The following GPC6 variants were observed in gnomAD, a reference collection of about 807,000 sequenced individuals.
GPC6 encodes the protein glypican 6.
In GPC6, 14 loss-of-function variants were observed where a neutral mutation model predicts 55.2. The observed-to-expected ratio is 0.25, with a 90% CI of 0.17 to 0.40. The LOEUF (loss-of-function observed/expected upper bound fraction) is 0.40. Ranked by LOEUF, GPC6 falls within the 10% of genes least tolerant of loss-of-function variation. GPC6 has a pLI of 1.00. For synonymous variants in GPC6, 278 were observed against 259.6 expected, an observed-to-expected ratio of 1.07 and a Z score of -0.68; for missense variants, 641 against 708.5, an observed-to-expected ratio of 0.90 and a Z score of 1.08.
chr13:94,338,167 T>C (rs1468261017), intron 6 of GPC6, among the ~76,000 whole-genome samples: 25 of 152,220 alleles, frequency 1.6e-4, no homozygotes, highest in Admixed American at 1.6e-3. Context: ...GGGTCACAGA[T>C]GTGGGAGATA....
intron 2 of GPC6, among the ~76,000 whole-genome samples, chr13:93,584,986 G>A (rs74536786): frequency 0.012 from 1,755 of 152,154 alleles, 34 homozygotes; most frequent in African/African-American, 0.04. Flanking sequence ...CACTGTACCC[G>A]GCCACCTTAT....
chr13:93,525,633 A>G (rs1048996856), intron 1 of GPC6, among the ~76,000 whole-genome samples: 5 of 152,088 alleles, frequency 3.3e-5, no homozygotes, highest in Admixed American at 2.6e-4. Flanking sequence ...TTCAGGAGCC[A>G]TTCTTTTTAT....
intron 3 of GPC6, among the ~76,000 whole-genome samples, chr13:93,983,807 A>G (rs1008746987): frequency 2.7e-5 from 4 of 150,862 alleles, no homozygotes; most frequent in Middle Eastern, 3.4e-3. Flanking sequence ...AGCAAACATC[A>G]CTAACAAGGA....
intron 1 of GPC6, among the ~76,000 whole-genome samples, chr13:93,236,481 G>A: frequency 6.6e-6 from 1 of 152,056 alleles, no homozygotes; most frequent in Non-Finnish European, 1.5e-5. Context: ...GTTAGTGACT[G>A]GGCCATACAG....
chr13:93,862,725 T>G (rs1185387577), intron 3 of GPC6, among the ~76,000 whole-genome samples: 1 of 151,662 alleles, frequency 6.6e-6, no homozygotes, highest in Non-Finnish European at 1.5e-5. Flanking sequence ...ATCAGGAAAC[T>G]TCCAGAGTAA....
At chr13:93,529,542 G>C (rs568810492) in intron 1 of GPC6, among the ~76,000 whole-genome samples, 1 of 126,312 alleles carries the variant, frequency 7.9e-6, no homozygotes, top group East Asian at 2.3e-4. Flanking sequence ...TTGAGATGGA[G>C]TCTCACTCTG....
chr13:93,880,885 T>TA (rs35157318), intron 3 of GPC6, among the ~76,000 whole-genome samples: 91,814 of 146,940 alleles, frequency 0.62, 28,708 homozygotes, highest in African/African-American at 0.69. Context: ...CCTTTGCAAC[T>TA]AAAAAAAAAA....
chr13:93,703,403 A>T (rs867277052), intron 2 of GPC6, among the ~76,000 whole-genome samples: 1 of 152,028 alleles, frequency 6.6e-6, no homozygotes. Flanking sequence ...TATTGTAAGA[A>T]TTAACAAAAT....
chr13:93,428,978 G>T (rs1047144821), intron 1 of GPC6, among the ~76,000 whole-genome samples: 1 of 152,062 alleles, frequency 6.6e-6, no homozygotes, highest in Non-Finnish European at 1.5e-5. Context: ...TTATGTTATA[G>T]CATCCCTTGA....
At chr13:93,364,708 T>C (rs201954713) in intron 1 of GPC6, among the ~76,000 whole-genome samples, 4 of 138,932 alleles carry the variant, frequency 2.9e-5, no homozygotes, top group East Asian at 5.1e-4. Context: ...CACACACACA[T>C]ATATATACAC....
chr13:94,324,506 C>T (rs1354660020), intron 6 of GPC6, among the ~76,000 whole-genome samples: 3 of 152,066 alleles, frequency 2.0e-5, no homozygotes, highest in Non-Finnish European at 2.9e-5. Context: ...ATCAGCGCTT[C>T]GAGAGTAGGT....
intron 2 of GPC6, among the ~76,000 whole-genome samples, chr13:93,774,923 G>T (rs1271182602): frequency 6.6e-6 from 1 of 152,120 alleles, no homozygotes; most frequent in Non-Finnish European, 1.5e-5. Flanking sequence ...AGAGAGCTCA[G>T]CCAAGGCCCC....
rs1278484985 is a variant in GPC6 at position 93,601,724 on chromosome 13, AG to A, written c.319+56305del. 3.1e-4 allele frequency among the ~76,000 whole-genome samples: 47 copies of A among 152,232 alleles called. 1 individual carries two copies. The highest frequency in any genetic ancestry group is 2.5e-4 in the Non-Finnish European group (17 of 68,038). ...TGCCCAGACCTCGGGATATTCCAGT[AG>A]GTGAAATAATTGAGATGTATATGTA... On this transcript the variant is annotated intron_variant, in intron 2 of 8. Transcript: ENST00000377047.
chr13:94,009,845 TCTGCATGATCTTG>T (rs1453229038), intron 3 of GPC6, among the ~76,000 whole-genome samples: 1 of 152,146 alleles, frequency 6.6e-6, no homozygotes, highest in Admixed American at 6.5e-5. Flanking sequence ...CCAGTACAGG[TCTGCATGATCTTG>T]CTGCTGAGGC....
intron 2 of GPC6, among the ~76,000 whole-genome samples, chr13:93,750,371 A>G (rs914532726): frequency 5.3e-5 from 8 of 152,152 alleles, no homozygotes; most frequent in Non-Finnish European, 1.2e-4. Context: ...AAATATGAAT[A>G]TTGGATCTGC....
chr13:93,799,771 A>G (rs1028617508), intron 2 of GPC6, among the ~76,000 whole-genome samples: 2 of 152,226 alleles, frequency 1.3e-5, no homozygotes, highest in African/African-American at 4.8e-5. Context: ...TCTGTAAACC[A>G]AAGTCTGACC....
intron 4 of GPC6, among the ~76,000 whole-genome samples, chr13:94,174,551 A>T (rs1349073693): frequency 6.6e-6 from 1 of 152,122 alleles, no homozygotes; most frequent in African/African-American, 2.4e-5. Flanking sequence ...GCATAAAACA[A>T]ATGGTGTGGC....
chr13:93,356,724 T>C (rs1157958309), intron 1 of GPC6, among the ~76,000 whole-genome samples: 1 of 152,226 alleles, frequency 6.6e-6, no homozygotes, highest in African/African-American at 2.4e-5. Flanking sequence ...TTGTCTACTA[T>C]GCAAGGTGTA....
chr13:94,308,190 G>A (rs192454907), intron 6 of GPC6, among the ~76,000 whole-genome samples: 36 of 152,118 alleles, frequency 2.4e-4, no homozygotes, highest in East Asian at 7.7e-4. Context: ...CTTCATCCCC[G>A]GGAGAAATAA....
Sources: allele counts gnomAD v4.1 joint callset (sites outside exome capture counted in the v4.1 genomes callset), GRCh38; gene constraint gnomAD v4.1.1; transcripts MANE v1.5; gene names NCBI Gene and HGNC (gene_info 2026-07-23, HGNC 2026-07-21).